Variants in DRC5 observed in about 807,000 individuals in gnomAD.
The protein encoded by DRC5 is T-complex-associated testis-expressed protein 1.
the DRC5 span, chr6:44,286,559 G>T: frequency 1.3e-6 from 2 of 1,584,374 alleles, no homozygotes; most frequent in South Asian, 2.3e-5. Context: ...AGGAGCGCAG[G>T]GGGTCACAGT....
chr6:44,287,862 G>GA, the DRC5 span: 1 of 1,596,492 alleles, frequency 6.3e-7, no homozygotes, highest in Non-Finnish European at 8.5e-7. Flanking sequence ...GTGGCCCCTG[G>GA]ATGGCCTTAT....
the DRC5 span, among the ~76,000 whole-genome samples, chr6:44,290,214 T>C: frequency 2.6e-5 from 4 of 152,104 alleles, no homozygotes; most frequent in Non-Finnish European, 5.9e-5. Flanking sequence ...CCGGCTGACT[T>C]TGCATTTCTG....
the DRC5 span, among the ~76,000 whole-genome samples, chr6:44,286,984 C>G: frequency 6.6e-6 from 1 of 152,234 alleles, no homozygotes; most frequent in African/African-American, 2.4e-5. Context: ...AAACAGGGCT[C>G]TCCCTTTTGG....
At chr6:44,287,265 T>A in the DRC5 span, 1 of 984,368 alleles carries the variant, frequency 1.0e-6, no homozygotes. Flanking sequence ...TAGATATGGC[T>A]CAGGCTGGGT....
the DRC5 span, among the ~76,000 whole-genome samples, chr6:44,297,441 AGGCGCGGGGCGTCCTCGCGTGGAG>A: frequency 6.6e-5 from 10 of 152,132 alleles, no homozygotes; most frequent in East Asian, 1.9e-3. Context: ...GGTGGGGAGG[AGGCGCGGGGCGTCCTCGCGTGGAG>A]GGCGTGGGGT....
the DRC5 span, chr6:44,297,630 G>A: frequency 6.6e-6 from 1 of 152,200 alleles, no homozygotes; most frequent in Non-Finnish European, 1.5e-5. Context: ...ACCGGGGCTG[G>A]GTGTCCCCAC....
the DRC5 span, chr6:44,287,758 T>C: frequency 9.4e-5 from 152 of 1,614,174 alleles, no homozygotes; most frequent in African/African-American, 1.6e-3. Context: ...AGTGGAGGAA[T>C]TGTCCTGGGT....
the DRC5 span, among the ~76,000 whole-genome samples, chr6:44,284,886 A>G: frequency 2.6e-4 from 40 of 152,130 alleles, no homozygotes; most frequent in African/African-American, 8.4e-4. Context: ...ATCCTCCCTC[A>G]CAGACGGAGT....
the DRC5 span, among the ~76,000 whole-genome samples, chr6:44,281,024 T>A: frequency 1.9e-5 from 2 of 103,778 alleles, no homozygotes; most frequent in Non-Finnish European, 4.2e-5. Context: ...CTAGAAACTG[T>A]GTGTGTGTGT....
the DRC5 span, chr6:44,286,032 G>T: frequency 6.2e-7 from 1 of 1,613,920 alleles, no homozygotes; most frequent in East Asian, 2.2e-5. Flanking sequence ...AAGAGGAAGA[G>T]ATTCCACTCG....
the DRC5 span, among the ~76,000 whole-genome samples, chr6:44,283,523 C>T: frequency 1.3e-5 from 2 of 152,078 alleles, no homozygotes; most frequent in Non-Finnish European, 2.9e-5. Context: ...GAGTGTCTGG[C>T]CTCTCTCTCT....
At chr6:44,286,275 C>G in the DRC5 span, 1 of 1,612,848 alleles carries the variant, frequency 6.2e-7, no homozygotes, top group Non-Finnish European at 8.5e-7. Context: ...GGCAGCAGGT[C>G]GAGGATCACC....
chr6:44,296,501 C>T, the DRC5 span, among the ~76,000 whole-genome samples: 1 of 152,200 alleles, frequency 6.6e-6, no homozygotes, highest in African/African-American at 2.4e-5. Flanking sequence ...TCCTCAGGTC[C>T]CCAGCTAAAT....
chr6:44,284,533 C>A, the DRC5 span, among the ~76,000 whole-genome samples: 1 of 152,126 alleles, frequency 6.6e-6, no homozygotes, highest in Non-Finnish European at 1.5e-5. Context: ...AACGAAATGA[C>A]CCCTTCTTTG....
At chr6:44,294,484 C>T in the DRC5 span, among the ~76,000 whole-genome samples, 1 of 151,792 alleles carries the variant, frequency 6.6e-6, no homozygotes, top group African/African-American at 2.4e-5. Flanking sequence ...GTGGCTCATG[C>T]CTGTAGTCTT....
At chr6:44,293,982 C>A in the DRC5 span, among the ~76,000 whole-genome samples, 2 of 152,044 alleles carry the variant, frequency 1.3e-5, no homozygotes, top group African/African-American at 4.8e-5. Flanking sequence ...ACTAATGTAG[C>A]AAACTTTTTT....
chr6:44,281,845 TTA>T, the DRC5 span, among the ~76,000 whole-genome samples: 1 of 152,250 alleles, frequency 6.6e-6, no homozygotes. Flanking sequence ...TCTCTGAAAC[TTA>T]GTTTTCCATC....
the DRC5 span, among the ~76,000 whole-genome samples, chr6:44,281,221 C>T: frequency 1.3e-4 from 20 of 152,072 alleles, no homozygotes; most frequent in African/African-American, 4.3e-4. Context: ...CGTTGGGAGG[C>T]AGAATGCTAC....
the DRC5 span, among the ~76,000 whole-genome samples, chr6:44,297,459 C>T: frequency 1.3e-5 from 2 of 152,176 alleles, no homozygotes; most frequent in Admixed American, 1.3e-4. Flanking sequence ...GGCGTCCTCG[C>T]GTGGAGGGCG....
Sources: gnomAD v4.1 joint callset for allele counts (sites outside exome capture counted in the v4.1 genomes callset) on GRCh38, gnomAD v4.1.1 for gene constraint, MANE v1.5 for transcripts, NCBI Gene and HGNC (gene_info 2026-07-23, HGNC 2026-07-21) for gene names.